MTR: variants seen among roughly 807,000 people sequenced by gnomAD.
The protein encoded by MTR is methionine synthase.
In MTR, 84 loss-of-function variants were observed where a neutral mutation model predicts 154.8. That is an observed-to-expected ratio of 0.54 (90% confidence interval 0.45 to 0.65). The LOEUF (loss-of-function observed/expected upper bound fraction) is 0.65, where lower values mean the gene tolerates loss of function less well. Ranked by LOEUF, MTR falls within the 30% of genes least tolerant of loss-of-function variation. The pLI, the probability that MTR is intolerant of heterozygous loss-of-function variation, is 0.00. For synonymous variants in MTR, 554 were observed against 553.9 expected (o/e 1.00, Z 0.00); for missense variants, 1,275 against 1,570.2 (o/e 0.81, Z 3.18).
At chr1:236,861,097 C>CTTTTTTTTTTTTTTTTTTCTTTTT in intron 19 of MTR, 28 bp from the exon 20 acceptor site, 5 of 1,156,660 alleles carry the variant, frequency 4.3e-6, no homozygotes, top group East Asian at 2.9e-5. Flanking sequence ...CTTTCTTTTT[C>CTTTTTTTTTTTTTTTTTTCTTTTT]TTTTTTTTTT....
intron 16 of MTR, among the ~76,000 whole-genome samples, chr1:236,851,155 G>C (rs1211594569): frequency 6.6e-6 from 1 of 152,156 alleles, no homozygotes. Flanking sequence ...CGTCACTTCT[G>C]CAGTTGTTCA....
At chr1:236,873,353 G>A (rs1665245681) in intron 22 of MTR, among the ~76,000 whole-genome samples, 1 of 152,198 alleles carries the variant, frequency 6.6e-6, no homozygotes, top group South Asian at 2.1e-4. Context: ...GATAAAATAA[G>A]TTTGGACGTA....
intron 18 of MTR, among the ~76,000 whole-genome samples, chr1:236,856,446 T>C (rs534290859): frequency 6.6e-6 from 1 of 152,038 alleles, no homozygotes; most frequent in South Asian, 2.1e-4. Context: ...AATTCCTTCC[T>C]CCTCTCCTTC....
rs1159278454 is a variant in MTR at position 236,902,563 on chromosome 1, G to C, written c.*4919G>C. ...ACAGGAGTTGGATGGAGAGCAGACT[G>C]TAAAGCCTCATGAGGGCAGGGGCCC... On this transcript the variant is annotated 3_prime_UTR_variant, in exon 33 of 33. Transcript: ENST00000366577. 1 of 152,246 alleles carries C rather than the reference G, an allele frequency of 6.6e-6. No individual in the cohort carries two copies. Among genetic ancestry groups the C allele is most frequent in the Non-Finnish European group, 1.5e-5 (1 of 68,074 alleles). The allele number at this position is 152,246 out of a possible 1,614,324, so 9.4% of individuals were successfully genotyped here. A position where few individuals can be genotyped will look rare whatever the true frequency, so the allele number is the denominator to read the frequency against.
At chr1:236,825,579 T>G (rs1381668201) in intron 10 of MTR, among the ~76,000 whole-genome samples, 180 bp downstream of exon 10, 1 of 152,208 alleles carries the variant, frequency 6.6e-6, no homozygotes, top group East Asian at 1.9e-4. Flanking sequence ...GTCAGCATCC[T>G]TATCCTCAGC....
At chr1:236,836,271 T>C (rs888624506) in intron 14 of MTR, among the ~76,000 whole-genome samples, 5 of 152,046 alleles carry the variant, frequency 3.3e-5, no homozygotes, top group African/African-American at 4.8e-5. Context: ...TTTTTTTTTT[T>C]CCCCTCCTGA....
rs1373475510 is a variant in MTR at position 236,897,310 on chromosome 1, G to GCACGCACACACACACACACACA, written c.3711+195_3711+196insGCACACACACACACACACACAC. Among the ~76,000 whole-genome samples, 85 of 128,678 alleles carry GCACGCACACACACACACACACA rather than the reference G, an allele frequency of 6.6e-4. 2 individuals carry two copies. Among genetic ancestry groups the GCACGCACACACACACACACACA allele is most frequent in the African/African-American group, 2.1e-3 (78 of 36,430 alleles). The allele number at this position is 128,678 out of a possible 152,430, so 84.4% of individuals were successfully genotyped here. ...ACTTCTACATGCAAGCCACACACAC[G>GCACGCACACACACACACACACA]CACACACACACACACACACACACAC... is the stretch of plus-strand genomic sequence containing the variant. On this transcript the variant is annotated intron_variant, in intron 32 of 32. Coordinates refer to ENST00000366577, the MANE Select transcript of MTR (RefSeq NM_000254.3).
At chr1:236,866,264 T>C (rs1664816024) in intron 22 of MTR, among the ~76,000 whole-genome samples, 1 of 152,200 alleles carries the variant, frequency 6.6e-6, no homozygotes, top group Admixed American at 6.5e-5. Context: ...CTCACAATAT[T>C]TCAAACCTTA....
intron 9 of MTR, among the ~76,000 whole-genome samples, chr1:236,825,001 C>A (rs1475902649): frequency 6.6e-6 from 1 of 152,136 alleles, no homozygotes; most frequent in Non-Finnish European, 1.5e-5. Flanking sequence ...CTTCCACCCC[C>A]ACCCCCAAGC....
At chr1:236,836,837 T>G (rs1558298441) in intron 14 of MTR, among the ~76,000 whole-genome samples, 1 of 152,224 alleles carries the variant, frequency 6.6e-6, no homozygotes, top group East Asian at 1.9e-4. Flanking sequence ...GTTTATCAGC[T>G]TAGTATTGGG....
At chr1:236,809,151 T>A (rs1661159143) in intron 4 of MTR, among the ~76,000 whole-genome samples, 1 of 152,244 alleles carries the variant, frequency 6.6e-6, no homozygotes, top group South Asian at 2.1e-4. Flanking sequence ...GTTATTAGGA[T>A]AATTGATCTC....
intron 13 of MTR, among the ~76,000 whole-genome samples, chr1:236,832,644 G>A (rs1212971810): frequency 6.6e-6 from 1 of 152,162 alleles, no homozygotes; most frequent in East Asian, 1.9e-4. Context: ...AAGACTCCTG[G>A]ATAGATTTTC....
chr1:236,889,191 G>A lies in MTR; in HGVS notation c.2862G>A (p.Thr954=), dbSNP rs756734602. 1.7e-5 allele frequency: 28 copies of A among 1,614,078 alleles called. No homozygotes were observed. The South Asian group carries it at 2.6e-4, about 15-fold the overall frequency. ...WLSEPHPVKP[T]FIGTQVFEDY... Reference sequence around the variant, plus strand: ...ACTTCTCTCCTGTAGTGAAGCCCACGTTTATTGGGACCCAGGTCTTTGAAG... The same window carrying A: ...ACTTCTCTCCTGTAGTGAAGCCCACATTTATTGGGACCCAGGTCTTTGAAG... The change falls in exon 28 of 33, where the codon ACG becomes ACA. Residue 954 remains threonine, a synonymous_variant. Transcript: ENST00000366577.
At chr1:236,897,439 AG>A in intron 32 of MTR, 118 bp from the exon 33 acceptor site, 1 of 988,988 alleles carries the variant, frequency 1.0e-6, no homozygotes, top group Admixed American at 1.8e-5. Context: ...TTAACTCTGT[AG>A]ATTGCTATTA....
At chr1:236,817,201 A>G (rs982214420) in intron 8 of MTR, among the ~76,000 whole-genome samples, 1 of 152,178 alleles carries the variant, frequency 6.6e-6, no homozygotes, top group African/African-American at 2.4e-5. Context: ...ATGGAAGAGT[A>G]TCTGAGTATA....
At chr1:236,897,359 A>G (rs931802491) in intron 32 of MTR, among the ~76,000 whole-genome samples, 199 bp from the exon 33 acceptor site, 1 of 129,182 alleles carries the variant, frequency 7.7e-6, no homozygotes, top group Admixed American at 7.8e-5. Flanking sequence ...GCTTCTAAGC[A>G]TCAGATGTTT....
intron 22 of MTR, among the ~76,000 whole-genome samples, chr1:236,868,617 C>T (rs1348503886): frequency 6.6e-6 from 1 of 152,170 alleles, no homozygotes; most frequent in African/African-American, 2.4e-5. Flanking sequence ...TTTTCCATTA[C>T]AGATAATGCA....
At chr1:236,812,447 T>A (rs538036055) in intron 5 of MTR, among the ~76,000 whole-genome samples, 1 of 152,200 alleles carries the variant, frequency 6.6e-6, no homozygotes, top group Non-Finnish European at 1.5e-5. Context: ...AGATGTTGAA[T>A]GGGGGGTACA....
At chr1:236,832,830 C>T (rs1472057781) in intron 13 of MTR, among the ~76,000 whole-genome samples, 1 of 152,170 alleles carries the variant, frequency 6.6e-6, no homozygotes, top group African/African-American at 2.4e-5. Context: ...CCTTCATGGA[C>T]CTGTTCATTA....
Sources: allele counts gnomAD v4.1 joint callset (sites outside exome capture counted in the v4.1 genomes callset), GRCh38; gene constraint gnomAD v4.1.1; transcripts MANE v1.5; gene names NCBI Gene and HGNC (gene_info 2026-07-23, HGNC 2026-07-21).